Variants in STAU2 observed in about 807,000 individuals in gnomAD.
STAU2 encodes staufen double-stranded RNA binding protein 2.
A neutral mutation model predicts 65.9 loss-of-function variants in STAU2; 20 were observed. That is an observed-to-expected ratio of 0.30 (90% CI 0.21 to 0.44). The LOEUF (loss-of-function observed/expected upper bound fraction) is 0.44. Ranked by LOEUF, STAU2 falls within the 20% of genes least tolerant of loss-of-function variation. STAU2 has a pLI of 1.00. For missense variants in STAU2, 558 were observed against 683.9 expected (o/e 0.82, Z 2.05); for synonymous variants, 232 against 233.9 (o/e 0.99, Z 0.07).
intron 6 of STAU2, among the ~76,000 whole-genome samples, chr8:73,654,422 C>T (rs190438631): frequency 3.3e-5 from 5 of 151,716 alleles, no homozygotes; most frequent in East Asian, 3.9e-4. Context: ...GAGGCCAAGG[C>T]GGGAGGATTG....
At chr8:73,423,264 A>G (rs1225318591) in intron 13 of STAU2, among the ~76,000 whole-genome samples, 1 of 152,128 alleles carries the variant, frequency 6.6e-6, no homozygotes, top group Non-Finnish European at 1.5e-5. Context: ...TGTTCTGGGG[A>G]GGCAGGCCTG....
At chr8:73,560,534 T>C (rs950404551) in intron 12 of STAU2, among the ~76,000 whole-genome samples, 2 of 152,150 alleles carry the variant, frequency 1.3e-5, no homozygotes, top group African/African-American at 4.8e-5. Context: ...CATAATGATG[T>C]ATGTGAAGGG....
intron 12 of STAU2, among the ~76,000 whole-genome samples, chr8:73,582,257 T>A (rs919588999): frequency 6.6e-6 from 1 of 152,072 alleles, no homozygotes; most frequent in African/African-American, 2.4e-5. Context: ...AATATTAAAA[T>A]TCTAATGACT....
intron 13 of STAU2, among the ~76,000 whole-genome samples, chr8:73,481,520 A>ACC (rs755363509): frequency 0.12 from 16,594 of 141,034 alleles, 1,340 homozygotes; most frequent in East Asian, 0.45. Context: ...AAAAAACAAA[A>ACC]AAAAAAAACA....
At chr8:73,741,561 G>GCAACAGCTC (rs1806882494) in intron 1 of STAU2, among the ~76,000 whole-genome samples, 4 of 150,040 alleles carry the variant, frequency 2.7e-5, no homozygotes, top group African/African-American at 9.8e-5. Context: ...CACCCAGAGT[G>GCAACAGCTC]GAGTGCAACA....
At chr8:73,452,085 C>T (rs1311932038) in intron 13 of STAU2, among the ~76,000 whole-genome samples, 2 of 152,248 alleles carry the variant, frequency 1.3e-5, no homozygotes, top group Non-Finnish European at 2.9e-5. Context: ...GACACGGTCT[C>T]TCAGACAGGT....
At chr8:73,562,257 A>C (rs886930594) in intron 12 of STAU2, among the ~76,000 whole-genome samples, 1 of 152,316 alleles carries the variant, frequency 6.6e-6, no homozygotes, top group East Asian at 1.9e-4. Context: ...AGGCCAAGGC[A>C]GGAGGATCAC....
chr8:73,649,182 G>A (rs745323232), intron 6 of STAU2, among the ~76,000 whole-genome samples: 37 of 152,178 alleles, frequency 2.4e-4, no homozygotes, highest in Non-Finnish European at 4.6e-4. Context: ...GTTCAGAGAT[G>A]CAAAACAAAG....
chr8:73,745,271 C>T lies in STAU2; in HGVS notation c.-197+1512G>A, dbSNP rs75265743. Among the ~76,000 whole-genome samples the T allele has an allele frequency of 4.1e-3, 626 of 152,342 alleles. 6 individuals are homozygous for T. The highest frequency in any genetic ancestry group is 0.014 in the African/African-American group (602 of 41,578). On this transcript the variant is annotated intron_variant, in intron 1 of 14. Transcript: ENST00000524300. ...TCTCTTGTTTGCAGTAAGATACAAA[C>T]TGAACAATGAAAATCTGGCCATACT... is the stretch of plus-strand genomic sequence containing the variant.
chr8:73,574,591 C>G (rs1313665624), intron 12 of STAU2, among the ~76,000 whole-genome samples: 5 of 152,260 alleles, frequency 3.3e-5, no homozygotes, highest in Admixed American at 6.5e-5. Flanking sequence ...AAAAGGATGA[C>G]TTCATGTCCT....
intron 13 of STAU2, among the ~76,000 whole-genome samples, chr8:73,549,152 C>G (rs569286881): frequency 2.1e-4 from 32 of 152,260 alleles, no homozygotes; most frequent in African/African-American, 7.0e-4. Context: ...GGTAGGACTA[C>G]AACTTTGAAT....
chr8:73,533,883 T>C (rs1035085750), intron 13 of STAU2, among the ~76,000 whole-genome samples: 1 of 152,218 alleles, frequency 6.6e-6, no homozygotes, highest in Non-Finnish European at 1.5e-5. Flanking sequence ...GTCAAACTAC[T>C]TCCTGCAGAG....
intron 1 of STAU2, among the ~76,000 whole-genome samples, chr8:73,746,363 C>T (rs1345505507): frequency 1.3e-5 from 2 of 151,672 alleles, no homozygotes; most frequent in Non-Finnish European, 2.9e-5. Flanking sequence ...TGGCTGCACT[C>T]GCCGTCCTCT....
intron 3 of STAU2, among the ~76,000 whole-genome samples, chr8:73,724,483 T>A (rs1020162309): frequency 6.6e-6 from 1 of 152,118 alleles, no homozygotes; most frequent in Admixed American, 6.5e-5. Flanking sequence ...AGTACCTATA[T>A]AAGCATTCTA....
chr8:73,462,237 G>A (rs1348318750), intron 13 of STAU2, among the ~76,000 whole-genome samples: 6 of 151,486 alleles, frequency 4.0e-5, no homozygotes, highest in East Asian at 3.9e-4. Flanking sequence ...CTGCCACCAC[G>A]CCCAGCTAAT....
intron 6 of STAU2, among the ~76,000 whole-genome samples, chr8:73,619,842 G>A (rs1026569775): frequency 2.6e-5 from 4 of 152,012 alleles, no homozygotes; most frequent in African/African-American, 9.7e-5. Flanking sequence ...AGTGTCAAAT[G>A]AAGGAGAGGA....
At chr8:73,639,169 T>A (rs934020074) in intron 6 of STAU2, among the ~76,000 whole-genome samples, 1 of 152,110 alleles carries the variant, frequency 6.6e-6, no homozygotes, top group Non-Finnish European at 1.5e-5. Context: ...AGTTTAATAG[T>A]GAAAATTTTT....
intron 4 of STAU2, among the ~76,000 whole-genome samples, chr8:73,693,451 G>A (rs891790694): frequency 3.3e-5 from 5 of 150,136 alleles, no homozygotes; most frequent in Admixed American, 3.3e-4. Context: ...GTCCAGCCTG[G>A]GCGAAAGAGT....
At chr8:73,602,739 A>C (rs1482220348) in intron 10 of STAU2, among the ~76,000 whole-genome samples, 2 of 151,958 alleles carry the variant, frequency 1.3e-5, no homozygotes, top group Non-Finnish European at 2.9e-5. Flanking sequence ...AAAAAAAAAA[A>C]AAAACAAAAA....
Sources: gnomAD v4.1 joint callset for allele counts (sites outside exome capture counted in the v4.1 genomes callset) on GRCh38, gnomAD v4.1.1 for gene constraint, MANE v1.5 for transcripts, NCBI Gene and HGNC (gene_info 2026-07-23, HGNC 2026-07-21) for gene names.